Variants in COLEC10 observed in about 807,000 individuals in gnomAD.
COLEC10 encodes collectin-10.
COLEC10 carries 22 observed loss-of-function variants against 28.4 expected under a neutral mutation model. The ratio of observed to expected loss-of-function variants is 0.78; its 90% CI spans 0.55 to 1.11. The LOEUF is 1.11. Ranked by LOEUF, COLEC10 falls within the 50% of genes least tolerant of loss-of-function variation. The pLI, the probability that COLEC10 is intolerant of heterozygous loss-of-function variation, is 0.00. For missense variants in COLEC10, 361 were observed against 344.1 expected, an observed-to-expected ratio of 1.05 and a Z score of -0.39; for synonymous variants, 125 against 116.1, an observed-to-expected ratio of 1.08 and a Z score of -0.49.
chr8:119,020,767 G>T (rs762154263), intron 2 of COLEC10, among the ~76,000 whole-genome samples: 16 of 152,134 alleles, frequency 1.1e-4, no homozygotes, highest in Non-Finnish European at 2.1e-4. Flanking sequence ...TGTTGAATCA[G>T]TTCCTAAAAT....
the COLEC10 span, among the ~76,000 whole-genome samples, chr8:118,962,249 A>G: frequency 3.3e-5 from 5 of 152,200 alleles, no homozygotes; most frequent in African/African-American, 7.2e-5. Flanking sequence ...CAACCTATGC[A>G]TTCTATAGAC....
the COLEC10 span, among the ~76,000 whole-genome samples, chr8:118,977,711 C>A: frequency 7.0e-6 from 1 of 143,520 alleles, no homozygotes; most frequent in Non-Finnish European, 1.5e-5. Flanking sequence ...GTAACCTGCA[C>A]ATTGTGCACA....
the COLEC10 span, among the ~76,000 whole-genome samples, chr8:118,957,725 T>A: frequency 1.3e-5 from 2 of 152,196 alleles, no homozygotes; most frequent in East Asian, 3.8e-4. Context: ...CAATCATCAC[T>A]GAATGCTTAG....
At chr8:119,016,269 A>G (rs1189548817) in intron 2 of COLEC10, among the ~76,000 whole-genome samples, 2 of 152,096 alleles carry the variant, frequency 1.3e-5, no homozygotes, top group Non-Finnish European at 2.9e-5. Flanking sequence ...ATAAGTAAGA[A>G]CATGCAGTGT....
the COLEC10 span, among the ~76,000 whole-genome samples, chr8:118,954,243 A>G: frequency 6.6e-6 from 1 of 152,250 alleles, no homozygotes; most frequent in South Asian, 2.1e-4. Context: ...GAATCACAAA[A>G]TAGACTGTGT....
chr8:118,968,342 C>A, the COLEC10 span, among the ~76,000 whole-genome samples: 1 of 151,836 alleles, frequency 6.6e-6, no homozygotes, highest in South Asian at 2.1e-4. Flanking sequence ...TTGCTCTTAT[C>A]CCTAAATGTA....
intron 2 of COLEC10, among the ~76,000 whole-genome samples, chr8:119,017,988 G>A (rs1454290375): frequency 1.3e-5 from 2 of 152,072 alleles, no homozygotes; most frequent in South Asian, 2.1e-4. Context: ...AAACGTAAAG[G>A]ACTTACCCCA....
the COLEC10 span, among the ~76,000 whole-genome samples, chr8:118,965,693 C>A: frequency 6.6e-6 from 1 of 151,982 alleles, no homozygotes; most frequent in South Asian, 2.1e-4. Flanking sequence ...AGGCCTCCAA[C>A]ACGGTCTTTC....
Position 119,102,381 on chromosome 8 carries a change from C to G in COLEC10, c.326C>G (p.Pro109Arg), listed in dbSNP as rs370198813. The G allele has an allele frequency of 2.3e-5, 37 of 1,608,938 alleles. No individual in the cohort carries two copies. Among genetic ancestry groups the G allele is most frequent in the Non-Finnish European group, 3.0e-5 (35 of 1,177,542 alleles). Residue 109 changes from proline to arginine, a missense_variant, in exon 4 of 6, where the codon CCT becomes CGT. Physicochemically the swap from Pro to Arg is moderately radical, Grantham distance 103 (BLOSUM62 -2). Transcript: ENST00000332843. ...DKGEKGLLGI[P>R]GEKGKAGTVC... Reference sequence around the variant, plus strand: ...GGGGAAAAAGGTTTGCTTGGAATACCTGGAGAAAAAGGCAAAGCAGGTACG... The same window carrying G: ...GGGGAAAAAGGTTTGCTTGGAATACGTGGAGAAAAAGGCAAAGCAGGTACG...
rs374298555 is a variant in COLEC10, at chr8:119,096,883, G to A, written c.293-5465G>A. Among the ~76,000 whole-genome samples the A allele has an allele frequency of 7.2e-5, 11 of 152,126 alleles. No individual in the cohort carries two copies. In the East Asian group the frequency reaches 9.7e-4, roughly 13 times the overall value. On this transcript the variant is annotated intron_variant, in intron 3 of 5. Transcript: ENST00000332843. ...ATAAAAATGACTGACAATATCTAGTGTTGGTAAGGATGCAGAACAACTGAA... is the reference window on the plus strand; with the variant it reads ...ATAAAAATGACTGACAATATCTAGTATTGGTAAGGATGCAGAACAACTGAA...
intron 2 of COLEC10, among the ~76,000 whole-genome samples, chr8:119,057,667 A>G (rs1318593311): frequency 3.3e-5 from 5 of 152,084 alleles, no homozygotes; most frequent in Non-Finnish European, 5.9e-5. Context: ...AGTACTATAT[A>G]GTTGTTGAAT....
intron 1 of COLEC10, chr8:119,067,718 A>T: frequency 3.3e-6 from 1 of 299,182 alleles, no homozygotes; most frequent in Non-Finnish European, 6.2e-6. Context: ...TCCGGGGCAG[A>T]TGCACAATCC....
intron 2 of COLEC10, among the ~76,000 whole-genome samples, chr8:119,049,608 G>C (rs1357459116): frequency 6.6e-6 from 1 of 151,582 alleles, no homozygotes; most frequent in Non-Finnish European, 1.5e-5. Context: ...TAGAGACGAG[G>C]TTTCACCGTG....
chr8:119,070,944 G>A (rs984567733), intron 1 of COLEC10, among the ~76,000 whole-genome samples: 14 of 152,078 alleles, frequency 9.2e-5, no homozygotes, highest in Admixed American at 5.2e-4. Context: ...CAATTCCAGC[G>A]GGGCCAAGGG....
chr8:118,963,454 T>A, the COLEC10 span, among the ~76,000 whole-genome samples: 1 of 152,356 alleles, frequency 6.6e-6, no homozygotes, highest in Non-Finnish European at 1.5e-5. Flanking sequence ...TCCAGCTTCA[T>A]TCAACTCAAG....
upstream of COLEC10, among the ~76,000 whole-genome samples, chr8:118,991,571 G>A (rs909762743): frequency 2.0e-5 from 3 of 152,102 alleles, no homozygotes; most frequent in African/African-American, 4.8e-5. Flanking sequence ...GTCTGGCTCC[G>A]AAACCCCTGG....
chr8:118,992,994 T>C (rs12056908), upstream of COLEC10, among the ~76,000 whole-genome samples: 4,443 of 152,248 alleles, frequency 0.029, 134 homozygotes, highest in East Asian at 0.17. Flanking sequence ...AGCTCTACAA[T>C]GGAATGGGCC....
intron 2 of COLEC10, among the ~76,000 whole-genome samples, chr8:119,040,496 C>T (rs1455681505): frequency 2.6e-5 from 4 of 152,030 alleles, no homozygotes; most frequent in Non-Finnish European, 5.9e-5. Flanking sequence ...AAGTGGACAG[C>T]CCATCCCTCC....
chr8:119,009,372 C>T (rs1813863978), intron 1 of COLEC10: 1 of 150,640 alleles, frequency 6.6e-6, no homozygotes, highest in South Asian at 2.1e-4. Flanking sequence ...TTCTCTCTCT[C>T]TCTCTTTCAC....
Sources: gnomAD v4.1 joint callset for allele counts (sites outside exome capture counted in the v4.1 genomes callset) on GRCh38, gnomAD v4.1.1 for gene constraint, MANE v1.5 for transcripts, NCBI Gene and HGNC (gene_info 2026-07-23, HGNC 2026-07-21) for gene names.